PARD3B: variants seen among roughly 807,000 people sequenced by gnomAD.
PARD3B encodes the protein partitioning defective 3 homolog B.
Under a neutral mutation model 130.2 loss-of-function variants are expected in PARD3B, and 103 were observed. That is an observed-to-expected ratio of 0.79 (90% CI 0.67 to 0.93). PARD3B has a LOEUF of 0.93. Among genes scored for constraint, PARD3B ranks in the 40% least tolerant of loss-of-function variants. The pLI is 0.00. For missense variants in PARD3B, 1,609 were observed against 1,499.2 expected (o/e 1.07, Z -1.21); for synonymous variants, 583 against 553.2 (o/e 1.05, Z -0.76).
At chr2:205,324,883 G>A (rs1161496846) in intron 18 of PARD3B, among the ~76,000 whole-genome samples, 1 of 152,068 alleles carries the variant, frequency 6.6e-6, no homozygotes, top group African/African-American at 2.4e-5. Context: ...AAATCAACCT[G>A]TATATTATAG....
intron 21 of PARD3B, among the ~76,000 whole-genome samples, chr2:205,532,383 C>A (rs2051638790): frequency 6.6e-6 from 1 of 152,096 alleles, no homozygotes; most frequent in African/African-American, 2.4e-5. Context: ...TTTCAGTTTT[C>A]TCAGACTTAC....
chr2:204,612,280 G>T (rs2033956757), intron 1 of PARD3B, among the ~76,000 whole-genome samples: 1 of 152,170 alleles, frequency 6.6e-6, no homozygotes, highest in Non-Finnish European at 1.5e-5. Flanking sequence ...ATGGCAGCCT[G>T]GTTCTTTTGC....
intron 21 of PARD3B, among the ~76,000 whole-genome samples, chr2:205,505,756 T>A (rs1190497110): frequency 6.6e-6 from 1 of 152,248 alleles, no homozygotes; most frequent in African/African-American, 2.4e-5. Flanking sequence ...AACAGCAGCA[T>A]GAATATCCTG....
chr2:204,943,558 TA>T lies in PARD3B; in HGVS notation c.223-21591del, dbSNP rs1689083043. Among the ~76,000 whole-genome samples the T allele has an allele frequency of 6.6e-6, 1 of 152,170 alleles. No individual in the cohort carries two copies. Among genetic ancestry groups the T allele is most frequent in the Admixed American group, 6.5e-5 (1 of 15,280 alleles). On this transcript the variant is annotated intron_variant, in intron 2 of 22. Coordinates refer to ENST00000406610, the MANE Select transcript of PARD3B (RefSeq NM_001302769.2). This position sits in a 1 kb window ranked among gnomAD's most constrained non-coding sequence, Gnocchi z 4.2. ...TCCTGCAAATTGCTCGTAATGGAGG[TA>T]AATGGCTTGTGCCATGAGAAACCAA...
rs376194786 is a variant in PARD3B, at chr2:205,275,657, G to A, written c.2186-24873G>A. Among the ~76,000 whole-genome samples the A allele has an allele frequency of 6.3e-3, 954 of 152,008 alleles. 10 individuals are homozygous for A. The highest frequency in any genetic ancestry group is 0.022 in the African/African-American group (893 of 41,460). On this transcript the variant is annotated intron_variant, in intron 16 of 22. Transcript: ENST00000406610. Reference sequence around the variant, plus strand: ...TCGAGACCAGCCTTACCAACATGGTGAAACCCTGTCTCTACTAACAATACA... The same window carrying A: ...TCGAGACCAGCCTTACCAACATGGTAAAACCCTGTCTCTACTAACAATACA...
chr2:205,444,901 A>G (rs1280653431), intron 20 of PARD3B, among the ~76,000 whole-genome samples: 1 of 152,206 alleles, frequency 6.6e-6, no homozygotes, highest in East Asian at 1.9e-4. Context: ...TGGCCACTAA[A>G]AGGTCATCAG....
intron 18 of PARD3B, among the ~76,000 whole-genome samples, chr2:205,398,367 A>G (rs2046110344): frequency 6.6e-6 from 1 of 152,188 alleles, no homozygotes; most frequent in Non-Finnish European, 1.5e-5. Flanking sequence ...ACTTCTGTAA[A>G]TGATACATGG....
intron 2 of PARD3B, among the ~76,000 whole-genome samples, chr2:204,703,816 T>C (rs2038007729): frequency 6.6e-6 from 1 of 152,164 alleles, no homozygotes; most frequent in Non-Finnish European, 1.5e-5. Flanking sequence ...GTATAATTTA[T>C]AAAGAAAATT....
intron 2 of PARD3B, among the ~76,000 whole-genome samples, chr2:204,850,205 T>C (rs753571100): frequency 2.6e-5 from 4 of 152,184 alleles, no homozygotes; most frequent in Non-Finnish European, 5.9e-5. Flanking sequence ...TGGAAAACAG[T>C]ATGTGATGTG....
intron 4 of PARD3B, among the ~76,000 whole-genome samples, chr2:205,057,272 A>G (rs1203328946): frequency 2.0e-5 from 3 of 149,726 alleles, no homozygotes; most frequent in East Asian, 2.0e-4. Flanking sequence ...TGTTATATGT[A>G]TGTTATATAC....
Position 205,011,161 on chromosome 2 carries a change from C to G in PARD3B, c.395-36420C>G, listed in dbSNP as rs1235754566. On this transcript the variant is annotated intron_variant, in intron 3 of 22. Transcript: ENST00000406610. The surrounding 1 kb of genome is among the most constrained non-coding windows in gnomAD (Gnocchi z 4.1). ...TATCCACTGGCCGTGTATTGATTAT[C>G]TGCAGATTATATATAACTTAGCAGC... Among the ~76,000 whole-genome samples, 1 of 152,198 alleles carries G rather than the reference C, an allele frequency of 6.6e-6. No individual in the cohort carries two copies. The highest frequency in any genetic ancestry group is 1.5e-5 in the Non-Finnish European group (1 of 68,046).
At chr2:205,409,146 A>T (rs922326765) in intron 19 of PARD3B, among the ~76,000 whole-genome samples, 2 of 152,176 alleles carry the variant, frequency 1.3e-5, no homozygotes, top group African/African-American at 2.4e-5. Context: ...GAAAGAAGCT[A>T]TCAGATTTCT....
chr2:204,929,992 T>C (rs1405256487), intron 2 of PARD3B, among the ~76,000 whole-genome samples: 3 of 152,042 alleles, frequency 2.0e-5, no homozygotes, highest in African/African-American at 7.2e-5. Context: ...AAGTAAGACA[T>C]GTTTTTCCTC....
In PARD3B at chr2:204,678,134, G is replaced by A. The variant is rs958918304; in HGVS notation, c.121-8047G>A. Among the ~76,000 whole-genome samples the A allele has an allele frequency of 1.6e-4, 25 of 152,296 alleles. No individual in the cohort carries two copies. Among genetic ancestry groups the A allele is most frequent in the African/African-American group, 5.8e-4 (24 of 41,558 alleles). ...CTCCCTCGCAGGACTTGCGATGAGG[G>A]GTGGCTCCTTTGCAGCCGAGCTCAA... On this transcript the variant is annotated intron_variant, in intron 1 of 22. Coordinates refer to ENST00000406610, the MANE Select transcript of PARD3B (RefSeq NM_001302769.2). This position sits in a 1 kb window ranked among gnomAD's most constrained non-coding sequence, Gnocchi z 4.2.
At chr2:205,124,725 A>C (rs185265920) in intron 9 of PARD3B, among the ~76,000 whole-genome samples, 479 of 152,270 alleles carry the variant, frequency 3.1e-3, no homozygotes, top group African/African-American at 9.3e-3. Flanking sequence ...TCCCTCTCTT[A>C]TTTCTACCTC....
At chr2:205,008,728 G>A (rs891740128) in intron 3 of PARD3B, among the ~76,000 whole-genome samples, 1 of 152,170 alleles carries the variant, frequency 6.6e-6, no homozygotes, top group African/African-American at 2.4e-5. Context: ...TGACAGGATA[G>A]ATGTTAGGAG....
intron 22 of PARD3B, among the ~76,000 whole-genome samples, chr2:205,602,021 A>G (rs1240748235): frequency 6.6e-6 from 1 of 152,096 alleles, no homozygotes; most frequent in East Asian, 1.9e-4. Flanking sequence ...TTTGTGATAT[A>G]TGGCTTTTAT....
intron 21 of PARD3B, among the ~76,000 whole-genome samples, chr2:205,519,134 C>A (rs776837696): frequency 6.6e-6 from 1 of 152,188 alleles, no homozygotes; most frequent in African/African-American, 2.4e-5. Flanking sequence ...GTTGGCCTGT[C>A]TAGCAAGGTT....
chr2:204,976,781 A>T (rs1692208239), intron 3 of PARD3B, among the ~76,000 whole-genome samples: 1 of 150,680 alleles, frequency 6.6e-6, no homozygotes, highest in South Asian at 2.1e-4. Context: ...TAATTTTCGT[A>T]TTTTTTTTAG....
Sources: gnomAD v4.1 joint callset for allele counts (sites outside exome capture counted in the v4.1 genomes callset) on GRCh38, gnomAD v4.1.1 for gene constraint, Gnocchi (gnomAD v3.1) non-coding constraint, MANE v1.5 for transcripts, NCBI Gene and HGNC (gene_info 2026-07-23, HGNC 2026-07-21) for gene names.